MCTP1: variants seen among roughly 807,000 people sequenced by gnomAD.
MCTP1 encodes multiple C2 and transmembrane domain-containing protein 1.
A neutral mutation model predicts 120.6 loss-of-function variants in MCTP1; 69 were observed. The observed-to-expected ratio is 0.57, with a 90% CI of 0.47 to 0.70. The LOEUF is 0.70. Ranked by LOEUF, MCTP1 falls within the 30% of genes least tolerant of loss-of-function variation. The pLI, the probability that MCTP1 is intolerant of heterozygous loss-of-function variation, is 0.00. For missense variants in MCTP1, 1,203 were observed against 1,248.8 expected (o/e 0.96, Z 0.55); for synonymous variants, 529 against 493.1 (o/e 1.07, Z -0.96).
At chr5:94,784,614 T>C (rs1342317764) in intron 18 of MCTP1, among the ~76,000 whole-genome samples, 3 of 152,052 alleles carry the variant, frequency 2.0e-5, no homozygotes, top group African/African-American at 7.2e-5. Context: ...TACTGTTTCA[T>C]CCAGTACATC....
At chr5:94,781,843 C>T (rs1173341585) in intron 18 of MCTP1, among the ~76,000 whole-genome samples, 1 of 152,136 alleles carries the variant, frequency 6.6e-6, no homozygotes, top group Non-Finnish European at 1.5e-5. Context: ...CCAATACAAC[C>T]ATTTGCTTTT....
chr5:94,832,978 A>G (rs142266757), intron 17 of MCTP1, among the ~76,000 whole-genome samples: 1 of 152,338 alleles, frequency 6.6e-6, no homozygotes, highest in East Asian at 1.9e-4. Context: ...ACCACACACC[A>G]CAAGTGAGCT....
At chr5:94,727,525 A>G (rs1274148862) in intron 19 of MCTP1, among the ~76,000 whole-genome samples, 1 of 152,208 alleles carries the variant, frequency 6.6e-6, no homozygotes, top group East Asian at 1.9e-4. Flanking sequence ...CGCCATTTAA[A>G]TACTGGATAA....
chr5:95,272,161 CTG>C (rs1759460555), intron 1 of MCTP1, among the ~76,000 whole-genome samples: 1 of 152,148 alleles, frequency 6.6e-6, no homozygotes. Flanking sequence ...GGTATCCTCT[CTG>C]TGTGTGCATA....
chr5:94,849,501 T>C (rs1033188028), intron 17 of MCTP1, among the ~76,000 whole-genome samples: 14 of 152,234 alleles, frequency 9.2e-5, no homozygotes, highest in African/African-American at 2.9e-4. Flanking sequence ...CTCAAGTGTC[T>C]CCTCTCCTCT....
chr5:94,942,424 A>G lies in MCTP1; in HGVS notation c.985T>C (p.Phe329Leu), dbSNP rs1817935751. 1 of 1,605,382 alleles carries G rather than the reference A, an allele frequency of 6.2e-7. No homozygotes were observed. The change falls in exon 4 of 23, where the codon TTT (phenylalanine) becomes CTT (leucine). Residue 329 changes from phenylalanine (F) to leucine (L), a missense_variant. By Grantham distance (22) the Phe-to-Leu change is conservative. Around this residue, in one of 2 missense-constraint regions of MCTP1, gnomAD observed 740 missense variants for 871.1 expected, o/e 0.85. Coordinates refer to ENST00000515393, the MANE Select transcript of MCTP1 (RefSeq NM_024717.7). The stretch of plus-strand genomic sequence containing the variant: ...TCCTGTAGTCCAAAATCATAGTCAA[A>G]TACCTGAGATGCCAAAGAGAAAAAG... ...HLREPLYIKV[F>L]DYDFGLQDDF...
intron 17 of MCTP1, among the ~76,000 whole-genome samples, chr5:94,857,077 T>G (rs1383073441): frequency 6.6e-6 from 1 of 151,700 alleles, no homozygotes; most frequent in Non-Finnish European, 1.5e-5. Context: ...AGGACATAAA[T>G]GTATCCCCCA....
chr5:94,923,522 T>G (rs1812234178), intron 7 of MCTP1, among the ~76,000 whole-genome samples: 1 of 152,184 alleles, frequency 6.6e-6, no homozygotes, highest in Non-Finnish European at 1.5e-5. Flanking sequence ...GAAAGAGCAC[T>G]GATCAGTATA....
intron 1 of MCTP1, among the ~76,000 whole-genome samples, chr5:95,272,763 A>G (rs1169819840): frequency 6.6e-6 from 1 of 152,178 alleles, no homozygotes; most frequent in Admixed American, 6.5e-5. Context: ...AGAGAAAGCA[A>G]GGAAATCACA....
At chr5:95,012,695 T>G (rs1371526369) in intron 2 of MCTP1, among the ~76,000 whole-genome samples, 1 of 152,164 alleles carries the variant, frequency 6.6e-6, no homozygotes, top group East Asian at 1.9e-4. Flanking sequence ...CCCCATGAAC[T>G]GTGCTCACAG....
chr5:95,279,816 T>C (rs949963308), intron 1 of MCTP1, among the ~76,000 whole-genome samples: 2 of 152,196 alleles, frequency 1.3e-5, no homozygotes, highest in Admixed American at 6.5e-5. Flanking sequence ...CTATCACACA[T>C]CAAACTCCAC....
chr5:95,119,326 T>G (rs1352405542), intron 1 of MCTP1, among the ~76,000 whole-genome samples: 2 of 152,018 alleles, frequency 1.3e-5, no homozygotes, highest in East Asian at 3.9e-4. Flanking sequence ...ATGGAAAAAT[T>G]TATTGAAACA....
rs1463164092 is a variant in MCTP1 at position 95,008,362 on chromosome 5, T to A, written c.838+9005A>T. ...CCCTCACCCCTTACCAATTGAGAAA[T>A]CAATTTGTGGGCTATGCTCTCACTT... is the stretch of plus-strand genomic sequence containing the variant. On this transcript the variant is annotated intron_variant, in intron 2 of 22. Transcript: ENST00000515393. Among the ~76,000 whole-genome samples, 4 of 152,076 alleles carry A rather than the reference T, an allele frequency of 2.6e-5. No individual in the cohort carries two copies. The East Asian group carries it at 5.8e-4, about 22-fold the overall frequency.
intron 18 of MCTP1, 21 bp downstream of exon 18, chr5:94,798,992 A>C (rs1780644472): frequency 6.2e-7 from 1 of 1,601,634 alleles, no homozygotes; most frequent in African/African-American, 1.3e-5. Context: ...AACACATACA[A>C]GTAAGAGAGT....
chr5:95,278,731 G>T (rs1760059577), intron 1 of MCTP1, among the ~76,000 whole-genome samples: 1 of 152,130 alleles, frequency 6.6e-6, no homozygotes, highest in Non-Finnish European at 1.5e-5. Flanking sequence ...GGGAGGCCGA[G>T]GTGAGCGGAT....
chr5:94,708,869 G>A (rs1755680078), intron 21 of MCTP1: 1 of 292,422 alleles, frequency 3.4e-6, no homozygotes, highest in Non-Finnish European at 6.5e-6. Context: ...GCAATATCTT[G>A]GTTTTTTTTC....
Position 94,841,935 on chromosome 5 carries a change from C to A in MCTP1, c.2436+26398G>T, listed in dbSNP as rs558277002. Among the ~76,000 whole-genome samples the A allele has an allele frequency of 1.8e-3, 272 of 152,224 alleles. 1 individual carries two copies. Among genetic ancestry groups the A allele is most frequent in the African/African-American group, 6.3e-3 (262 of 41,534 alleles). ...GTCAGGATTAGCTCAGGAAAAACAC[C>A]CCCAAGGAGATAATTTGAAGACATC... On this transcript the variant is annotated intron_variant, in intron 17 of 22. Coordinates refer to ENST00000515393, the MANE Select transcript of MCTP1 (RefSeq NM_024717.7).
At chr5:95,194,275 C>G (rs761688837) in intron 1 of MCTP1, among the ~76,000 whole-genome samples, 7 of 151,974 alleles carry the variant, frequency 4.6e-5, no homozygotes, top group Non-Finnish European at 1.0e-4. Flanking sequence ...GAAGAGAAAA[C>G]ATCACTCAAG....
chr5:94,932,066 G>T, intron 5 of MCTP1, 75 bp from the exon 6 acceptor site: 1 of 1,042,942 alleles, frequency 9.6e-7, no homozygotes, highest in Non-Finnish European at 1.5e-6. Flanking sequence ...TTTTTTAGCG[G>T]AAACATTTAT....
Sources: gnomAD v4.1 joint callset for allele counts (sites outside exome capture counted in the v4.1 genomes callset) on GRCh38, gnomAD v4.1.1 for gene constraint, gnomAD v4.1.1 regional missense constraint, MANE v1.5 for transcripts, NCBI Gene and HGNC (gene_info 2026-07-23, HGNC 2026-07-21) for gene names.